The following PARD3B variants were observed in gnomAD, a reference collection of about 807,000 sequenced individuals.
The protein encoded by PARD3B is partitioning defective 3 homolog B.
PARD3B carries 103 observed loss-of-function variants against 130.2 expected under a neutral mutation model. The ratio of observed to expected loss-of-function variants is 0.79; its 90% CI spans 0.67 to 0.93. The LOEUF (loss-of-function observed/expected upper bound fraction) is 0.93, where lower values mean the gene tolerates loss of function less well. Ranked by LOEUF, PARD3B falls within the 40% of genes least tolerant of loss-of-function variation. The pLI is 0.00. For missense variants in PARD3B, 1,609 were observed against 1,499.2 expected, an observed-to-expected ratio of 1.07 and a Z score of -1.21; for synonymous variants, 583 against 553.2, an observed-to-expected ratio of 1.05 and a Z score of -0.76.
intron 2 of PARD3B, among the ~76,000 whole-genome samples, chr2:204,835,467 C>A (rs1259526109): frequency 1.3e-5 from 2 of 152,152 alleles, no homozygotes; most frequent in Non-Finnish European, 2.9e-5. Flanking sequence ...ACCTCTCCTC[C>A]CCTCTCCTTA....
chr2:204,580,492 C>T (rs112202216), intron 1 of PARD3B, among the ~76,000 whole-genome samples: 262 of 152,234 alleles, frequency 1.7e-3, no homozygotes, highest in African/African-American at 6.1e-3. Flanking sequence ...TGACCCTAGC[C>T]GATCCTATCA....
chr2:204,944,311 G>A (rs937762852), intron 2 of PARD3B, among the ~76,000 whole-genome samples: 9 of 152,224 alleles, frequency 5.9e-5, no homozygotes, highest in Non-Finnish European at 1.2e-4. Flanking sequence ...CTGAGCTGTA[G>A]AGGGTAGGAG....
chr2:205,040,265 T>A (rs1222691596), intron 3 of PARD3B, among the ~76,000 whole-genome samples: 1 of 152,194 alleles, frequency 6.6e-6, no homozygotes, highest in African/African-American at 2.4e-5. Flanking sequence ...CCCGGCTACT[T>A]CAGTACTTTT....
At chr2:205,468,957 TC>T (rs1409845390) in intron 20 of PARD3B, among the ~76,000 whole-genome samples, 1 of 151,686 alleles carries the variant, frequency 6.6e-6, no homozygotes, top group South Asian at 2.1e-4. Context: ...GTACCATTTT[TC>T]CCCTCTATCT....
chr2:204,959,359 T>A (rs1690549601), intron 2 of PARD3B, among the ~76,000 whole-genome samples: 1 of 152,264 alleles, frequency 6.6e-6, no homozygotes, highest in Non-Finnish European at 1.5e-5. Flanking sequence ...GTGCCACATT[T>A]TCTTTATCCA....
At chr2:205,030,293 T>G (rs564832330) in intron 3 of PARD3B, among the ~76,000 whole-genome samples, 1 of 152,214 alleles carries the variant, frequency 6.6e-6, no homozygotes, top group Admixed American at 6.6e-5. Context: ...TTGTATAAAT[T>G]TAGCAATGAC....
At chr2:205,357,211 C>T (rs577442744) in intron 18 of PARD3B, among the ~76,000 whole-genome samples, 7 of 152,268 alleles carry the variant, frequency 4.6e-5, no homozygotes, top group Middle Eastern at 3.4e-3. Context: ...TTTTTTCCTA[C>T]TTAATCATAA....
At position 205,168,351 on chromosome 2, in the gene PARD3B, C is replaced by T. The variant is rs548192077; in HGVS notation, c.1621-3860C>T. ...TGTGTGTGAATATTGCAAGCATAAC[C>T]CAGGTGAAATAAATATCCTAGAATT... On this transcript the variant is annotated intron_variant, in intron 11 of 22. Transcript: ENST00000406610. Among the ~76,000 whole-genome samples, 9 of 123,310 alleles carry T rather than the reference C, an allele frequency of 7.3e-5. No individual in the cohort carries two copies. In the South Asian group the frequency reaches 2.4e-3, roughly 33 times the overall value. 80.9% of individuals were successfully genotyped at this position (123,310 alleles called of 152,430 possible). A position where few individuals can be genotyped will look rare whatever the true frequency, so the allele number is the denominator to read the frequency against.
chr2:204,991,793 A>G (rs1477699190), intron 3 of PARD3B, among the ~76,000 whole-genome samples: 2 of 151,758 alleles, frequency 1.3e-5, no homozygotes, highest in Non-Finnish European at 2.9e-5. Context: ...ATGGTATCTC[A>G]TAGTGGTTTT....
intron 16 of PARD3B, among the ~76,000 whole-genome samples, chr2:205,248,601 C>CTTTTTTTT (rs762295338): frequency 1.8e-4 from 15 of 84,652 alleles, no homozygotes; most frequent in African/African-American, 3.9e-4. Flanking sequence ...TCTCACCATT[C>CTTTTTTTT]TTTTTTTTTT....
At chr2:205,023,344 G>A (rs1207188183) in intron 3 of PARD3B, among the ~76,000 whole-genome samples, 1 of 152,024 alleles carries the variant, frequency 6.6e-6, no homozygotes, top group African/African-American at 2.4e-5. Flanking sequence ...TGCTTAGACA[G>A]GTCCCCACCT....
intron 2 of PARD3B, among the ~76,000 whole-genome samples, chr2:204,726,874 T>C (rs750734241): frequency 6.6e-6 from 1 of 152,310 alleles, no homozygotes; most frequent in Middle Eastern, 3.4e-3. Context: ...TAAAACCAAG[T>C]TGGGAAAACA....
At chr2:205,074,765 A>G (rs1291998884) in intron 4 of PARD3B, among the ~76,000 whole-genome samples, 2 of 152,182 alleles carry the variant, frequency 1.3e-5, no homozygotes, top group Non-Finnish European at 2.9e-5. Flanking sequence ...TTCCCCTTCT[A>G]TTTCACAGGC....
intron 16 of PARD3B, among the ~76,000 whole-genome samples, chr2:205,261,323 A>C (rs961460703): frequency 6.6e-6 from 1 of 152,048 alleles, no homozygotes; most frequent in Admixed American, 6.6e-5. Context: ...ATGCAGATTT[A>C]ACTCTCCTAC....
At chr2:205,200,817 T>C (rs1183709529) in intron 15 of PARD3B, among the ~76,000 whole-genome samples, 3 of 152,194 alleles carry the variant, frequency 2.0e-5, no homozygotes, top group Non-Finnish European at 4.4e-5. Flanking sequence ...GTATTTTAGA[T>C]GGGATAGTGA....
chr2:205,018,731 A>AAAAAC (rs1275397976), intron 3 of PARD3B, among the ~76,000 whole-genome samples: 1 of 141,150 alleles, frequency 7.1e-6, no homozygotes, highest in African/African-American at 2.8e-5. Flanking sequence ...GCAAAAAAAA[A>AAAAAC]AAAAAAAAAA....
At chr2:204,832,895 A>G (rs1347308384) in intron 2 of PARD3B, among the ~76,000 whole-genome samples, 1 of 152,234 alleles carries the variant, frequency 6.6e-6, no homozygotes, top group Non-Finnish European at 1.5e-5. Context: ...TGGGCACTAT[A>G]AAGAGAAAAT....
intron 2 of PARD3B, among the ~76,000 whole-genome samples, chr2:204,743,141 G>A (rs1396860609): frequency 6.6e-6 from 1 of 152,086 alleles, no homozygotes; most frequent in African/African-American, 2.4e-5. Context: ...TTTAGTGTAT[G>A]TACCCAGAGT....
At chr2:204,617,878 A>T (rs2034167790) in intron 1 of PARD3B, among the ~76,000 whole-genome samples, 1 of 152,176 alleles carries the variant, frequency 6.6e-6, no homozygotes, top group South Asian at 2.1e-4. Flanking sequence ...ACATGATCTC[A>T]TTCTTTTTCT....
Sources: gnomAD v4.1 joint callset for allele counts (sites outside exome capture counted in the v4.1 genomes callset) on GRCh38, gnomAD v4.1.1 for gene constraint, MANE v1.5 for transcripts, NCBI Gene and HGNC (gene_info 2026-07-23, HGNC 2026-07-21) for gene names.